The following RNFT2 variants were observed in gnomAD, a reference collection of about 807,000 sequenced individuals.
The protein encoded by RNFT2 is E3 ubiquitin-protein ligase RNFT2.
RNFT2 carries 36 observed loss-of-function variants against 53.0 expected under a neutral mutation model. The observed-to-expected ratio is 0.68, with a 90% CI of 0.52 to 0.90. The LOEUF is 0.90. Among genes scored for constraint, RNFT2 ranks in the 40% least tolerant of loss-of-function variants. The probability of loss-of-function intolerance (pLI) is 0.00; values close to 1 mark genes in which losing one functional copy is unlikely to be tolerated. For missense variants in RNFT2, 514 were observed against 585.6 expected (o/e 0.88, Z 1.26); for synonymous variants, 260 against 253.2 (o/e 1.03, Z -0.26).
intron 5 of RNFT2, among the ~76,000 whole-genome samples, chr12:116,764,823 C>T (rs10850712): frequency 0.2 from 29,762 of 152,128 alleles, 5,513 homozygotes; most frequent in African/African-American, 0.48. Context: ...ACCCAGGAGG[C>T]GGAGGTTGCA....
At chr12:116,746,995 G>A (rs1335325553) in intron 3 of RNFT2, among the ~76,000 whole-genome samples, 2 of 152,202 alleles carry the variant, frequency 1.3e-5, no homozygotes, top group African/African-American at 2.4e-5. Context: ...TTTGGTCCAC[G>A]ACTCAAGGTT....
At chr12:116,820,462 G>C (rs1875953293) in intron 7 of RNFT2, among the ~76,000 whole-genome samples, 1 of 152,206 alleles carries the variant, frequency 6.6e-6, no homozygotes, top group South Asian at 2.1e-4. Context: ...CATGTGACCA[G>C]TGGTTACTGG....
intron 1 of RNFT2, among the ~76,000 whole-genome samples, chr12:116,739,875 C>T (rs920063192): frequency 6.6e-6 from 1 of 152,198 alleles, no homozygotes; most frequent in Non-Finnish European, 1.5e-5. Context: ...AATCAGGACT[C>T]TTAGTTTGAC....
chr12:116,745,959 G>A (rs1210340647), intron 3 of RNFT2, among the ~76,000 whole-genome samples: 1 of 152,098 alleles, frequency 6.6e-6, no homozygotes, highest in Non-Finnish European at 1.5e-5. Context: ...GGGGGCAGTG[G>A]GGAATGGTGG....
chr12:116,769,482 G>A (rs1873076629), intron 6 of RNFT2, among the ~76,000 whole-genome samples: 1 of 152,228 alleles, frequency 6.6e-6, no homozygotes, highest in Admixed American at 6.5e-5. Context: ...GTGGAAGACA[G>A]TGATATTGAT....
intron 8 of RNFT2, among the ~76,000 whole-genome samples, chr12:116,835,661 G>A (rs1281260299): frequency 6.6e-6 from 1 of 152,214 alleles, no homozygotes; most frequent in Admixed American, 6.5e-5. Flanking sequence ...TGGGCTCAGA[G>A]GAAGAGTGCT....
chr12:116,804,253 T>A (rs1874940397), intron 7 of RNFT2, among the ~76,000 whole-genome samples: 1 of 152,210 alleles, frequency 6.6e-6, no homozygotes, highest in African/African-American at 2.4e-5. Context: ...CAAAGTGCAG[T>A]CCCTGGACCA....
intron 7 of RNFT2, among the ~76,000 whole-genome samples, chr12:116,827,935 C>G (rs1228102456): frequency 6.6e-6 from 1 of 152,184 alleles, no homozygotes; most frequent in Non-Finnish European, 1.5e-5. Context: ...TGGGGCTGTG[C>G]TCTTGACCAC....
At position 116,798,561 on chromosome 12, in the gene RNFT2, G is replaced by GT. The variant is rs576356410; in HGVS notation, c.882+19221dup. ...TCATAATAGTACCTATCTGCATTAG[G>GT]TTTTTTTTATTTTTATTTTTTATAT... On this transcript the variant is annotated intron_variant, in intron 7 of 10. Coordinates refer to ENST00000257575, the MANE Select transcript of RNFT2 (RefSeq NM_001382266.1). Among the ~76,000 whole-genome samples the GT allele has an allele frequency of 7.8e-3, 1,178 of 151,790 alleles. 11 individuals are homozygous for GT. The highest frequency in any genetic ancestry group is 0.027 in the South Asian group (127 of 4,788).
At chr12:116,809,927 G>A (rs370500377) in intron 7 of RNFT2, among the ~76,000 whole-genome samples, 8 of 152,004 alleles carry the variant, frequency 5.3e-5, no homozygotes, top group East Asian at 1.9e-4. Flanking sequence ...CACCCACCTC[G>A]GCCTCCCAAA....
chr12:116,831,510 C>CT (rs1206938594), intron 7 of RNFT2, among the ~76,000 whole-genome samples: 9 of 151,064 alleles, frequency 6.0e-5, no homozygotes, highest in Admixed American at 2.6e-4. Context: ...ATCAGACCCT[C>CT]TTTTTTGTAC....
chr12:116,830,669 C>T (rs1045934915), intron 7 of RNFT2, among the ~76,000 whole-genome samples: 9 of 152,104 alleles, frequency 5.9e-5, no homozygotes, highest in African/African-American at 2.2e-4. Flanking sequence ...CTTTGGGAGG[C>T]TGAAGTGAAG....
In RNFT2 at chr12:116,852,613, C is replaced by A. The variant is rs1427618326; in HGVS notation, c.*3165C>A. 1.2e-6 allele frequency: 2 copies of A among 1,613,806 alleles called. No homozygotes were observed. The highest frequency in any genetic ancestry group is 1.7e-5 in the Admixed American group (1 of 60,010). On this transcript the variant is annotated 3_prime_UTR_variant, in exon 11 of 11. Transcript: ENST00000257575. The stretch of plus-strand genomic sequence containing the variant: ...CAAAGGGAAGCAACAGGAACTTCTG[C>A]AACTGGTTTTTATCGGAAAGATCAT...
chr12:116,826,204 C>T (rs552981162), intron 7 of RNFT2, among the ~76,000 whole-genome samples: 1 of 152,222 alleles, frequency 6.6e-6, no homozygotes, highest in South Asian at 2.1e-4. Flanking sequence ...GGAGCCAGCC[C>T]TCTGTTGTTT....
intron 5 of RNFT2, among the ~76,000 whole-genome samples, chr12:116,763,089 A>G (rs574750350): frequency 9.2e-5 from 14 of 152,122 alleles, no homozygotes; most frequent in Non-Finnish European, 1.9e-4. Context: ...CTGTTTAAGA[A>G]AAAATAAAAA....
chr12:116,757,014 G>A (rs973894195), intron 5 of RNFT2, among the ~76,000 whole-genome samples: 1 of 152,044 alleles, frequency 6.6e-6, no homozygotes, highest in African/African-American at 2.4e-5. Flanking sequence ...CTTGTTATTG[G>A]TCTGTTTAGG....
At chr12:116,780,461 G>A (rs753262932) in intron 7 of RNFT2, among the ~76,000 whole-genome samples, 6 of 152,044 alleles carry the variant, frequency 3.9e-5, no homozygotes, top group Non-Finnish European at 5.9e-5. Context: ...GATGGGAGGC[G>A]GAGCTCAGGC....
At chr12:116,740,629 G>GA in intron 2 of RNFT2, 108 bp downstream of exon 2, 4 of 1,021,042 alleles carry the variant, frequency 3.9e-6, no homozygotes, top group Non-Finnish European at 6.0e-6. Flanking sequence ...TAACACATGG[G>GA]GAATCTGAAC....
At chr12:116,822,203 A>G (rs1235158587) in intron 7 of RNFT2, among the ~76,000 whole-genome samples, 3 of 152,046 alleles carry the variant, frequency 2.0e-5, no homozygotes, top group Non-Finnish European at 4.4e-5. Flanking sequence ...CGTCAGTCAC[A>G]GTGCTGCCCC....
Sources: allele counts gnomAD v4.1 joint callset (sites outside exome capture counted in the v4.1 genomes callset), GRCh38; gene constraint gnomAD v4.1.1; transcripts MANE v1.5; gene names NCBI Gene and HGNC (gene_info 2026-07-23, HGNC 2026-07-21).